NKAIN2: variants seen among roughly 807,000 people sequenced by gnomAD.
NKAIN2 encodes the protein sodium/potassium transporting ATPase interacting 2.
A neutral mutation model predicts 32.6 loss-of-function variants in NKAIN2; 14 were observed. The observed-to-expected ratio is 0.43, with a 90% CI of 0.28 to 0.67. The LOEUF (loss-of-function observed/expected upper bound fraction) is 0.67, where lower values mean the gene tolerates loss of function less well. Ranked by LOEUF, NKAIN2 falls within the 30% of genes least tolerant of loss-of-function variation. The probability of loss-of-function intolerance (pLI) is 0.17; values close to 1 mark genes in which losing one functional copy is unlikely to be tolerated. For synonymous variants in NKAIN2, 80 were observed against 87.2 expected (o/e 0.92, Z 0.46); for missense variants, 198 against 258.3 (o/e 0.77, Z 1.60).
At position 124,740,638 on chromosome 6, in the gene NKAIN2, A is replaced by G. The variant is rs148175981; in HGVS notation, c.475-50701A>G. ...GATAAAATCAACCATGTTAATATCT[A>G]TGGGAGGAACGTTCCAGGAAAATGG... On this transcript the variant is annotated intron_variant, in intron 4 of 6. Transcript: ENST00000368417. Among the ~76,000 whole-genome samples the G allele has an allele frequency of 6.7e-3, 1,023 of 151,962 alleles. 6 individuals are homozygous for G. The highest frequency in any genetic ancestry group is 0.011 in the Non-Finnish European group (742 of 67,842).
At chr6:123,864,438 C>G (rs1243247896) in intron 1 of NKAIN2, among the ~76,000 whole-genome samples, 1 of 152,164 alleles carries the variant, frequency 6.6e-6, no homozygotes, top group Non-Finnish European at 1.5e-5. Context: ...GCTGAAGATA[C>G]AGAAGTGAAC....
chr6:123,940,252 C>T (rs1189660081), intron 1 of NKAIN2, among the ~76,000 whole-genome samples: 1 of 151,760 alleles, frequency 6.6e-6, no homozygotes, highest in Non-Finnish European at 1.5e-5. Context: ...ATCACGTAAG[C>T]TGTGCTCTGA....
chr6:123,828,039 T>A (rs1341767727), intron 1 of NKAIN2, among the ~76,000 whole-genome samples: 3 of 152,174 alleles, frequency 2.0e-5, no homozygotes, highest in African/African-American at 7.2e-5. Context: ...GTTTTCCTTT[T>A]CTTTGGAATA....
intron 5 of NKAIN2, among the ~76,000 whole-genome samples, chr6:124,806,654 T>C (rs993315291): frequency 6.6e-6 from 1 of 152,038 alleles, no homozygotes; most frequent in African/African-American, 2.4e-5. Flanking sequence ...ACTTTAAATG[T>C]AAATGGACTA....
intron 3 of NKAIN2, among the ~76,000 whole-genome samples, chr6:124,584,244 T>C (rs1454370195): frequency 2.6e-5 from 4 of 151,924 alleles, no homozygotes; most frequent in African/African-American, 7.3e-5. Context: ...AAACTACCCA[T>C]CTGAGAAGGA....
chr6:124,144,464 C>A (rs563830337), intron 1 of NKAIN2, among the ~76,000 whole-genome samples: 2 of 151,894 alleles, frequency 1.3e-5, no homozygotes, highest in East Asian at 3.9e-4. Context: ...AGAATAGATC[C>A]AAGAAATAGA....
At chr6:124,128,507 C>A (rs561095432) in intron 1 of NKAIN2, among the ~76,000 whole-genome samples, 1 of 152,154 alleles carries the variant, frequency 6.6e-6, no homozygotes, top group South Asian at 2.1e-4. Flanking sequence ...TTTATATGTA[C>A]CCTTAATATT....
intron 1 of NKAIN2, among the ~76,000 whole-genome samples, chr6:123,955,570 G>A (rs992626444): frequency 2.0e-5 from 3 of 146,768 alleles, no homozygotes; most frequent in Non-Finnish European, 3.0e-5. Context: ...AACATTTACT[G>A]TGGGGCTACA....
intron 4 of NKAIN2, among the ~76,000 whole-genome samples, chr6:124,678,098 C>T (rs565663455): frequency 6.6e-6 from 1 of 152,012 alleles, no homozygotes; most frequent in East Asian, 1.9e-4. Context: ...ATAGAAACTA[C>T]CTTGTATGTG....
intron 1 of NKAIN2, among the ~76,000 whole-genome samples, chr6:124,202,295 T>C (rs1790630172): frequency 6.6e-6 from 1 of 151,968 alleles, no homozygotes; most frequent in South Asian, 2.1e-4. Context: ...CTGTGAAGTT[T>C]TCCCTTCTTC....
intron 1 of NKAIN2, among the ~76,000 whole-genome samples, chr6:124,188,225 G>C (rs1789842978): frequency 6.6e-6 from 1 of 152,126 alleles, no homozygotes; most frequent in African/African-American, 2.4e-5. Context: ...AAATTCAGTA[G>C]GAAATATATA....
intron 1 of NKAIN2, among the ~76,000 whole-genome samples, chr6:124,151,715 A>G (rs1787734759): frequency 6.6e-6 from 1 of 152,026 alleles, no homozygotes; most frequent in African/African-American, 2.4e-5. Context: ...CAGTATCACA[A>G]TACAGTTTTA....
rs535131771 is a variant in NKAIN2, at chr6:124,023,042, A to ATATGTATG, written c.54+218804_54+218811dup. Reference sequence around the variant, plus strand: ...AGACATATGTATACTTTATATATATATATGTATGTATGTATGTATGTATAA... The same window carrying ATATGTATG: ...AGACATATGTATACTTTATATATATATATGTATGTATGTATGTATGTATGTATGTATAA... On this transcript the variant is annotated intron_variant, in intron 1 of 6. Coordinates refer to ENST00000368417, the MANE Select transcript of NKAIN2 (RefSeq NM_001040214.3). Among the ~76,000 whole-genome samples, 655 of 151,436 alleles carry ATATGTATG rather than the reference A, an allele frequency of 4.3e-3. 9 individuals carry two copies. Among genetic ancestry groups the ATATGTATG allele is most frequent in the African/African-American group, 0.015 (620 of 41,120 alleles).
At chr6:124,170,717 G>A (rs113414981) in intron 1 of NKAIN2, among the ~76,000 whole-genome samples, 144 of 152,202 alleles carry the variant, frequency 9.5e-4, no homozygotes, top group African/African-American at 3.4e-3. Context: ...TTTAGAATAC[G>A]AAAGTATAAA....
chr6:124,780,623 A>C (rs536650997), intron 4 of NKAIN2, among the ~76,000 whole-genome samples: 161 of 152,328 alleles, frequency 1.1e-3, no homozygotes, highest in African/African-American at 3.8e-3. Context: ...CCAATCATGA[A>C]TGTCCTTCGA....
At chr6:124,336,512 T>G (rs1797866254) in intron 2 of NKAIN2, among the ~76,000 whole-genome samples, 1 of 152,182 alleles carries the variant, frequency 6.6e-6, no homozygotes, top group Admixed American at 6.6e-5. Context: ...CCCAGAAGTA[T>G]AGATCTAGAG....
chr6:123,827,984 A>G (rs1192521304), intron 1 of NKAIN2, among the ~76,000 whole-genome samples: 1 of 151,872 alleles, frequency 6.6e-6, no homozygotes, highest in Non-Finnish European at 1.5e-5. Context: ...TTCAATGTGT[A>G]TTACTTTGTG....
intron 4 of NKAIN2, among the ~76,000 whole-genome samples, chr6:124,767,589 T>A (rs1418000910): frequency 6.6e-6 from 1 of 152,170 alleles, no homozygotes; most frequent in Middle Eastern, 3.2e-3. Context: ...CAGCTCTATT[T>A]TTTTTCTCCC....
intron 4 of NKAIN2, among the ~76,000 whole-genome samples, chr6:124,754,842 C>T (rs1777888051): frequency 1.3e-5 from 2 of 152,096 alleles, no homozygotes; most frequent in African/African-American, 4.8e-5. Context: ...CACATATGTT[C>T]ATTGCAACAC....
Sources: allele counts gnomAD v4.1 joint callset (sites outside exome capture counted in the v4.1 genomes callset), GRCh38; gene constraint gnomAD v4.1.1; transcripts MANE v1.5; gene names NCBI Gene and HGNC (gene_info 2026-07-23, HGNC 2026-07-21).